Variants in CHEK2 observed in about 807,000 individuals in gnomAD.
The protein encoded by CHEK2 is checkpoint kinase 2.
Under a neutral mutation model 69.1 loss-of-function variants are expected in CHEK2, and 71 were observed. The ratio of observed to expected loss-of-function variants is 1.03; its 90% CI spans 0.85 to 1.25. The LOEUF is 1.25. Ranked by LOEUF, CHEK2 falls within the 50% of genes most tolerant of loss-of-function variation. The pLI is 0.00. For missense variants in CHEK2, 664 were observed against 649.6 expected (o/e 1.02, Z -0.24); for synonymous variants, 189 against 226.9 (o/e 0.83, Z 1.50).
At chr22:28,697,016 G>A (rs377730816) in intron 9 of CHEK2, 29 bp from the exon 10 acceptor site, 27 of 1,363,488 alleles carry the variant, frequency 2.0e-5, no homozygotes, top group Non-Finnish European at 2.6e-5. Flanking sequence ...ATGACCCTCA[G>A]ATTCATGCAG....
rs2053311533 is a variant in CHEK2 at position 28,709,668 on chromosome 22, G to A, written c.846+338C>T. Among the ~76,000 whole-genome samples the A allele has an allele frequency of 2.0e-5, 3 of 152,190 alleles. No homozygotes were observed. The South Asian group carries it at 6.2e-4, about 32-fold the overall frequency. On this transcript the variant is annotated intron_variant, in intron 7 of 14. Coordinates refer to ENST00000404276, the MANE Select transcript of CHEK2 (RefSeq NM_007194.4). ...GTCTCACTCTGTCGCCCAGGCTGGA[G>A]TGCAGTGGCGCGATCTTGGCTCACT...
intron 7 of CHEK2, among the ~76,000 whole-genome samples, chr22:28,706,730 C>G (rs1040824746): frequency 6.6e-6 from 1 of 152,096 alleles, no homozygotes; most frequent in Non-Finnish European, 1.5e-5. Flanking sequence ...ACCAGCCTGG[C>G]CAACATGGCA....
chr22:28,714,738 A>G (rs994414638), intron 5 of CHEK2, among the ~76,000 whole-genome samples: 1 of 152,154 alleles, frequency 6.6e-6, no homozygotes, highest in Non-Finnish European at 1.5e-5. Flanking sequence ...AGCTGTCCCT[A>G]TGCTTTCCTC....
At chr22:28,729,060 T>G (rs1474221690) in intron 2 of CHEK2, among the ~76,000 whole-genome samples, 1 of 152,178 alleles carries the variant, frequency 6.6e-6, no homozygotes, top group Non-Finnish European at 1.5e-5. Context: ...ATTCTCAAAC[T>G]TTTCGAAGAA....
chr22:28,711,586 C>T (rs1191885481), intron 6 of CHEK2, among the ~76,000 whole-genome samples: 1 of 151,758 alleles, frequency 6.6e-6, no homozygotes, highest in Non-Finnish European at 1.5e-5. Flanking sequence ...GGGATTATGG[C>T]TGAATTTTTT....
intron 2 of CHEK2, chr22:28,729,487 G>A (rs1347484973): frequency 1.4e-5 from 2 of 144,062 alleles, no homozygotes; most frequent in Admixed American, 7.2e-5. Context: ...ACCCTGCAGT[G>A]AGCCGAGATC....
intron 1 of CHEK2, among the ~76,000 whole-genome samples, chr22:28,738,708 C>A (rs9625548): frequency 0.015 from 2,311 of 152,212 alleles, 63 homozygotes; most frequent in African/African-American, 0.051. Flanking sequence ...GGGAAGTGCT[C>A]CAGGACACTC....
intron 2 of CHEK2, among the ~76,000 whole-genome samples, chr22:28,730,835 T>C (rs1364391432): frequency 6.6e-6 from 1 of 151,990 alleles, no homozygotes; most frequent in Non-Finnish European, 1.5e-5. Context: ...TCCAGCCTGG[T>C]GACAGAGCAA....
chr22:28,720,197 T>C (rs1204487532), intron 4 of CHEK2, among the ~76,000 whole-genome samples: 2 of 151,204 alleles, frequency 1.3e-5, no homozygotes, highest in Non-Finnish European at 2.9e-5. Flanking sequence ...TTCAAGCAAT[T>C]TTTGTGCCTC....
intron 1 of CHEK2, among the ~76,000 whole-genome samples, chr22:28,736,537 A>T (rs944895281): frequency 1.2e-4 from 18 of 152,222 alleles, no homozygotes; most frequent in Admixed American, 1.2e-3. Context: ...CAGCATCCTA[A>T]ATGGCCTTCC....
At chr22:28,698,020 G>T (rs978906463) in intron 9 of CHEK2, among the ~76,000 whole-genome samples, 2 of 151,820 alleles carry the variant, frequency 1.3e-5, no homozygotes, top group African/African-American at 4.8e-5. Flanking sequence ...ATTAAAAAGG[G>T]CTTGCGTTGT....
chr22:28,727,671 C>T (rs960863790), intron 2 of CHEK2, among the ~76,000 whole-genome samples: 1 of 152,272 alleles, frequency 6.6e-6, no homozygotes, highest in East Asian at 1.9e-4. Flanking sequence ...AAACGCTAAA[C>T]AGTCCAGTAG....
At chr22:28,712,188 GCTTAACAGCCAAAAACA>G in intron 5 of CHEK2, 171 bp from the exon 6 acceptor site, 1 of 634,140 alleles carries the variant, frequency 1.6e-6, no homozygotes, top group Non-Finnish European at 2.8e-6. Flanking sequence ...AATGTCAAGG[GCTTAACAGCCAAAAACA>G]CTAAGTCAGC....
At chr22:28,722,260 G>A (rs930195139) in intron 4 of CHEK2, among the ~76,000 whole-genome samples, 1 of 151,886 alleles carries the variant, frequency 6.6e-6, no homozygotes, top group African/African-American at 2.4e-5. Flanking sequence ...CAAAATGGTC[G>A]CCGGGCGCGG....
At chr22:28,733,497 T>A (rs1417447351) in intron 2 of CHEK2, among the ~76,000 whole-genome samples, 1 of 152,198 alleles carries the variant, frequency 6.6e-6, no homozygotes, top group Admixed American at 6.6e-5. Flanking sequence ...ATACTGCCTC[T>A]TTGGTTTTAC....
At chr22:28,724,136 G>A (rs983055427) in intron 4 of CHEK2, among the ~76,000 whole-genome samples, 4 of 152,054 alleles carry the variant, frequency 2.6e-5, no homozygotes, top group Non-Finnish European at 5.9e-5. Flanking sequence ...TGGGCCAGGC[G>A]GGGGCTCACG....
intron 1 of CHEK2, among the ~76,000 whole-genome samples, chr22:28,739,588 C>T (rs2054502596): frequency 6.6e-6 from 1 of 151,942 alleles, no homozygotes; most frequent in Non-Finnish European, 1.5e-5. Flanking sequence ...ACTTGGGAGG[C>T]TGAGGCAGGA....
intron 8 of CHEK2, among the ~76,000 whole-genome samples, chr22:28,702,401 G>C (rs2052910398): frequency 6.6e-6 from 1 of 151,334 alleles, no homozygotes; most frequent in South Asian, 2.1e-4. Flanking sequence ...ACCACACCCA[G>C]CTAATTTTTT....
intron 5 of CHEK2, among the ~76,000 whole-genome samples, chr22:28,717,622 T>G: frequency 6.6e-6 from 1 of 150,922 alleles, no homozygotes; most frequent in East Asian, 2.0e-4. Flanking sequence ...ACGCCTATAA[T>G]CCAGCACTCT....
Sources: gnomAD v4.1 joint callset for allele counts (sites outside exome capture counted in the v4.1 genomes callset) on GRCh38, gnomAD v4.1.1 for gene constraint, MANE v1.5 for transcripts, NCBI Gene and HGNC (gene_info 2026-07-23, HGNC 2026-07-21) for gene names.